TIMELESS: variants seen among roughly 807,000 people sequenced by gnomAD.
TIMELESS encodes timeless circadian regulator.
In TIMELESS, 124 loss-of-function variants were observed where a neutral mutation model predicts 164.3. The ratio of observed to expected loss-of-function variants is 0.75; its 90% CI spans 0.65 to 0.88. TIMELESS has a LOEUF of 0.88. TIMELESS is among the 40% of genes least tolerant of loss of function. TIMELESS has a pLI of 0.00. For missense variants in TIMELESS, 1,422 were observed against 1,491.4 expected, an observed-to-expected ratio of 0.95 and a Z score of 0.77; for synonymous variants, 564 against 563.4, an observed-to-expected ratio of 1.00 and a Z score of -0.02.
intron 1 of TIMELESS, among the ~76,000 whole-genome samples, chr12:56,442,536 C>T (rs1018810386): frequency 6.6e-6 from 1 of 152,226 alleles, no homozygotes; most frequent in African/African-American, 2.4e-5. Flanking sequence ...TATCCTACTA[C>T]TGTATCACTA....
At chr12:56,442,878 T>G (rs1868296572) in intron 1 of TIMELESS, among the ~76,000 whole-genome samples, 1 of 152,360 alleles carries the variant, frequency 6.6e-6, no homozygotes, top group Middle Eastern at 3.4e-3. Context: ...TACTGCAATC[T>G]GTGAACATAA....
At position 56,420,797 on chromosome 12, in the gene TIMELESS, T is replaced by C. The variant is rs1477664741; in HGVS notation, c.3109+16A>G. ...CTCCAGGGCTCTTCTCCTAAAAGTG[T>C]CACCTGTCCACTCACCATCCTCTTC... is the stretch of plus-strand genomic sequence containing the variant. On this transcript the variant is annotated intron_variant, in intron 25 of 28. Transcript: ENST00000553532. 6.2e-7 allele frequency: 1 copy of C among 1,614,008 alleles called. No individual in the cohort carries two copies. The highest frequency in any genetic ancestry group is 8.5e-7 in the Non-Finnish European group (1 of 1,180,010).
chr12:56,421,238 C>A (rs1335997469), intron 23 of TIMELESS, 104 bp from the exon 24 acceptor site: 2 of 1,584,612 alleles, frequency 1.3e-6, no homozygotes, highest in Non-Finnish European at 1.7e-6. Flanking sequence ...CCTGCTCTCT[C>A]GGAAGGACCT....
intron 15 of TIMELESS, 151 bp downstream of exon 15, chr12:56,424,611 C>A (rs1881610627): frequency 2.3e-6 from 2 of 878,024 alleles, no homozygotes; most frequent in South Asian, 7.7e-5. Context: ...AAAAACCCAA[C>A]AAACCAATCA....
Position 56,420,981 on chromosome 12 carries a change from G to A in TIMELESS, c.3022C>T (p.Gln1008Ter). ...TCCTCACCTTCCTGATGCAGGCTTT[G>A]ACCAAGGTTTTCATTTGAAAGGACT... ...SLVLSNENLG[Q>*]SLHQEGFSIP... The change falls in exon 24 of 29, where the codon CAA (glutamine) becomes TAA (stop). Residue 1008 changes from glutamine to a stop codon, truncating the protein, a stop_gained. Coordinates refer to ENST00000553532, the MANE Select transcript of TIMELESS (RefSeq NM_003920.5). LOFTEE classifies it high-confidence loss of function. The A allele has an allele frequency of 6.2e-7, 1 of 1,614,156 alleles. No homozygotes were observed. Among genetic ancestry groups the A allele is most frequent in the South Asian group, 1.1e-5 (1 of 91,066 alleles).
At position 56,424,844 on chromosome 12, in the gene TIMELESS, G is replaced by A. The variant is rs374560165; in HGVS notation, c.1786C>T (p.Arg596Trp). The A allele has an allele frequency of 1.7e-5, 27 of 1,614,064 alleles. No homozygotes were observed. The highest frequency in any genetic ancestry group is 1.6e-4 in the Middle Eastern group (1 of 6,084). ...AASEVPVEEQ[R>W]AEAMVRIQDC... ...TGGATCCGTACCATAGCTTCTGCCC[G>A]CTGCTCCTCCACTGGCACCTCTGAG... is the stretch of plus-strand genomic sequence containing the variant. Residue 596 changes from arginine to tryptophan, a missense_variant, in exon 15 of 29, where the codon CGG (arginine) becomes TGG (tryptophan). Coordinates refer to ENST00000553532, the MANE Select transcript of TIMELESS (RefSeq NM_003920.5).
chr12:56,431,241 C>T (rs1881867528), intron 8 of TIMELESS, among the ~76,000 whole-genome samples: 1 of 151,816 alleles, frequency 6.6e-6, no homozygotes, highest in Non-Finnish European at 1.5e-5. Flanking sequence ...GTAGTCCCAG[C>T]TACTGGGGAG....
rs765995979 is a variant in TIMELESS, at chr12:56,422,115, C to T, written c.2515G>A (p.Asp839Asn). 42 of 1,614,162 alleles carry T rather than the reference C, an allele frequency of 2.6e-5. No homozygotes were observed. The South Asian group carries it at 4.5e-4, about 17-fold the overall frequency. Residue 839 changes from aspartate (D) to asparagine (N), a missense_variant, in exon 20 of 29, where the codon GAC (aspartate) becomes AAC (asparagine). Physicochemically the swap from Asp to Asn is conservative, Grantham distance 23 (BLOSUM62 1). Transcript: ENST00000553532. ...TCCCAAGGCCTCTCACCTTCCACGT[C>T]CTTATTGGCGAGGTACAGCTCCCGA... ...HLRELYLANK[D>N]VEGQDVVEAI...
intron 1 of TIMELESS, among the ~76,000 whole-genome samples, chr12:56,436,588 G>A (rs990388849): frequency 2.6e-5 from 4 of 152,204 alleles, no homozygotes; most frequent in Non-Finnish European, 5.9e-5. Context: ...AGTTATGAGA[G>A]CAAGCCATAA....
chr12:56,420,997 T>A lies in TIMELESS; in HGVS notation c.3006A>T (p.Ser1002=), dbSNP rs960615308. ...GCAGGCTTTGACCAAGGTTTTCATT[T>A]GAAAGGACTAAGCTACCCTGGACTT... ...AEQVQGSLVL[S]NENLGQSLHQ... The change falls in exon 24 of 29, where the codon TCA becomes TCT. Residue 1002 remains serine, a synonymous_variant. Coordinates refer to ENST00000553532, the MANE Select transcript of TIMELESS (RefSeq NM_003920.5). 1.9e-6 allele frequency: 3 copies of A among 1,614,214 alleles called. No individual in the cohort carries two copies. The highest frequency in any genetic ancestry group is 2.5e-6 in the Non-Finnish European group (3 of 1,180,036).
chr12:56,417,831 T>C (rs201027319), intron 28 of TIMELESS, 45 bp from the exon 29 acceptor site: 53 of 1,613,718 alleles, frequency 3.3e-5, no homozygotes, highest in Non-Finnish European at 4.2e-5. Context: ...TATCTAAATA[T>C]GTTAAGGGGT....
At chr12:56,425,195 A>C in intron 13 of TIMELESS, 43 bp from the exon 14 acceptor site, 1 of 1,506,198 alleles carries the variant, frequency 6.6e-7, no homozygotes, top group Non-Finnish European at 8.9e-7. Flanking sequence ...AGAGCTAAAG[A>C]GGGCTTTCCC....
Position 56,422,005 on chromosome 12 carries a change from C to T in TIMELESS, c.2536G>A (p.Val846Met). The T allele has an allele frequency of 6.2e-7, 1 of 1,614,176 alleles. No individual in the cohort carries two copies. The highest frequency in any genetic ancestry group is 8.5e-7 in the Non-Finnish European group (1 of 1,180,026). The change falls in exon 21 of 29, where the codon GTG becomes ATG. Residue 846 changes from valine to methionine, a missense_variant. Transcript: ENST00000553532. ...TTCAGGTGGGCCAAGATGGCTTCCACCACATCCTGCCCTGGCGTGGGGAAG... is the reference window on the plus strand; with the variant it reads ...TTCAGGTGGGCCAAGATGGCTTCCATCACATCCTGCCCTGGCGTGGGGAAG... ...ANKDVEGQDVVEAILAHLNTV... is the reference protein window; with the variant it reads ...ANKDVEGQDVMEAILAHLNTV...
chr12:56,431,481 G>A lies in TIMELESS; in HGVS notation c.811C>T (p.Arg271Ter), dbSNP rs1002860506. ...CTCTCTGTCACTCACCTGTTGCCTC[G>A]CTGGAGGGCTCGAGTCTTCTTTTCT... ...MAEKKTRALQ[R>*]GNRHSRFGGS... Residue 271 changes from arginine to a stop codon, truncating the protein, a stop_gained, in exon 8 of 29, where the codon CGA (arginine) becomes TGA (stop). Coordinates refer to ENST00000553532, the MANE Select transcript of TIMELESS (RefSeq NM_003920.5). LOFTEE classifies it high-confidence loss of function. 4.3e-6 allele frequency: 7 copies of A among 1,609,738 alleles called. No homozygotes were observed. The highest frequency in any genetic ancestry group is 1.3e-5 in the African/African-American group (1 of 74,594).
chr12:56,419,948 A>G (rs1245334299), intron 26 of TIMELESS, among the ~76,000 whole-genome samples: 5 of 133,730 alleles, frequency 3.7e-5, no homozygotes, highest in African/African-American at 1.1e-4. Context: ...TTGAGGCGAC[A>G]GTGAGCTGAG....
rs749937060 is a variant in TIMELESS at position 56,432,417 on chromosome 12, T to C, written c.639A>G (p.Gln213=). 1.7e-5 allele frequency: 28 copies of C among 1,614,052 alleles called. No homozygotes were observed. Among genetic ancestry groups the C allele is most frequent in the Middle Eastern group, 1.6e-4 (1 of 6,084 alleles). Residue 213 remains glutamine, a synonymous_variant, in exon 7 of 29, where the codon CAA becomes CAG. Coordinates refer to ENST00000553532, the MANE Select transcript of TIMELESS (RefSeq NM_003920.5). ...LFLASSSAEE[Q]WSLHVLEIVS... ...CAATCTCTAGCACATGTAGGCTCCA[T>C]TGCTCCTCAGCAGACGAGCTGGCCA...
In TIMELESS at chr12:56,434,201, G is replaced by A. The variant is rs1425608832; in HGVS notation, c.-31C>T. The A allele has an allele frequency of 1.3e-6, 2 of 1,548,624 alleles. No homozygotes were observed. The highest frequency in any genetic ancestry group is 1.1e-5 in the South Asian group (1 of 89,532). ...AGTGGACCAACCAACAGAGAAGGAA[G>A]TGGAGAAACAGGAGACAGAAATGAT... On this transcript the variant is annotated 5_prime_UTR_variant, in exon 2 of 29. Coordinates refer to ENST00000553532, the MANE Select transcript of TIMELESS (RefSeq NM_003920.5).
chr12:56,430,354 T>G (rs1205877901), intron 9 of TIMELESS, 73 bp from the exon 10 acceptor site: 15 of 1,517,948 alleles, frequency 9.9e-6, no homozygotes, highest in Non-Finnish European at 1.3e-5. Flanking sequence ...GTCAATTTTC[T>G]CAGAAGAAAC....
At chr12:56,421,867 C>T in intron 21 of TIMELESS, 32 bp downstream of exon 21, 1 of 1,613,364 alleles carries the variant, frequency 6.2e-7, no homozygotes, top group Non-Finnish European at 8.5e-7. Context: ...GAGTCCCCAT[C>T]CCAATAGCCT....
Sources: gnomAD v4.1 joint callset for allele counts (sites outside exome capture counted in the v4.1 genomes callset) on GRCh38, gnomAD v4.1.1 for gene constraint, MANE v1.5 for transcripts, NCBI Gene and HGNC (gene_info 2026-07-23, HGNC 2026-07-21) for gene names.